The following ARHGEF9 variants were observed in gnomAD, a reference collection of about 807,000 sequenced individuals.
ARHGEF9 encodes rho guanine nucleotide exchange factor 9.
A neutral mutation model predicts 41.3 loss-of-function variants in ARHGEF9; 2 were observed. That is an observed-to-expected ratio of 0.05 (90% CI 0.02 to 0.15). The LOEUF (loss-of-function observed/expected upper bound fraction) is 0.15, where lower values mean the gene tolerates loss of function less well. Among genes scored for constraint, ARHGEF9 ranks in the 10% least tolerant of loss-of-function variants. ARHGEF9 has a pLI of 1.00. For missense variants in ARHGEF9, 225 were observed against 424.7 expected (o/e 0.53, Z 4.13); for synonymous variants, 160 against 154.4 (o/e 1.04, Z -0.27).
At chrX:63,672,031 A>C (rs1440125818) in intron 6 of ARHGEF9, among the ~76,000 whole-genome samples, 3 of 111,649 alleles carry the variant, frequency 2.7e-5, no homozygotes, top group African/African-American at 9.8e-5. Context: ...GTTGAAACAT[A>C]ATCTCTACTG....
chrX:63,764,947 C>T (rs183427237), intron 1 of ARHGEF9, among the ~76,000 whole-genome samples: 5 of 111,286 alleles, frequency 4.5e-5, no homozygotes, highest in East Asian at 2.8e-4. Flanking sequence ...ACATCCTGCA[C>T]GTGTACCCTG....
At chrX:63,765,327 G>A (rs2056095884) in intron 1 of ARHGEF9, among the ~76,000 whole-genome samples, 1 of 109,819 alleles carries the variant, frequency 9.1e-6, no homozygotes, top group African/African-American at 3.3e-5. Flanking sequence ...AGGAAAGGAA[G>A]TAGCACCAGT....
At chrX:63,694,547 A>G (rs1335020498) in intron 4 of ARHGEF9, among the ~76,000 whole-genome samples, 3 of 112,756 alleles carry the variant, frequency 2.7e-5, no homozygotes, top group African/African-American at 6.4e-5. Context: ...GATATATGCA[A>G]CAGCATGGAT....
intron 7 of ARHGEF9, among the ~76,000 whole-genome samples, chrX:63,661,537 T>C (rs1190494639): frequency 3.6e-5 from 4 of 111,702 alleles, no homozygotes; most frequent in African/African-American, 1.3e-4. Context: ...AAAATAAAAA[T>C]TCAATGAAAC....
intron 8 of ARHGEF9, among the ~76,000 whole-genome samples, 170 bp downstream of exon 8, chrX:63,655,324 T>G (rs2048811970): frequency 8.9e-6 from 1 of 112,114 alleles, no homozygotes; most frequent in Admixed American, 9.5e-5. Flanking sequence ...CACTGACTAA[T>G]GGAAGCTATT....
At chrX:63,764,544 C>T (rs1292097491) in intron 1 of ARHGEF9, among the ~76,000 whole-genome samples, 3 of 112,266 alleles carry the variant, frequency 2.7e-5, no homozygotes, top group Non-Finnish European at 5.6e-5. Context: ...GCACTACTCA[C>T]AATCACAAAG....
chrX:63,749,629 C>G (rs782618335), intron 1 of ARHGEF9, among the ~76,000 whole-genome samples: 1 of 112,434 alleles, frequency 8.9e-6, no homozygotes, highest in South Asian at 3.7e-4. Flanking sequence ...AACAATCTTG[C>G]TGACCTTTAC....
At chrX:63,638,410 C>T (rs1409567747) in intron 9 of ARHGEF9, 2 of 438,686 alleles carry the variant, frequency 4.6e-6, no homozygotes, top group African/African-American at 2.4e-5. Context: ...CAACCCTACA[C>T]ACTTCCACAT....
intron 4 of ARHGEF9, among the ~76,000 whole-genome samples, chrX:63,685,253 C>A (rs1214459899): frequency 9.0e-6 from 1 of 111,170 alleles, no homozygotes; most frequent in Non-Finnish European, 1.9e-5. Context: ...TTTTTTAAAA[C>A]AATCAAATTT....
intron 7 of ARHGEF9, 109 bp from the exon 8 acceptor site, chrX:63,655,846 A>G (rs1358429360): frequency 1.5e-5 from 16 of 1,034,469 alleles, no homozygotes; most frequent in East Asian, 3.1e-5. Context: ...TGAAGTACCA[A>G]TGGGGGTTGG....
intron 1 of ARHGEF9, among the ~76,000 whole-genome samples, chrX:63,734,138 C>T (rs2054475775): frequency 8.9e-6 from 1 of 111,749 alleles, no homozygotes; most frequent in African/African-American, 3.3e-5. Context: ...GAAGTGAGAC[C>T]CAGCTGCTGC....
At chrX:63,749,714 A>G (rs2055497451) in intron 1 of ARHGEF9, among the ~76,000 whole-genome samples, 2 of 112,538 alleles carry the variant, frequency 1.8e-5, no homozygotes, top group African/African-American at 6.5e-5. Context: ...CTCAAGTTAG[A>G]AAGGATGTGA....
chrX:63,742,960 G>A (rs1251417197), intron 1 of ARHGEF9, among the ~76,000 whole-genome samples: 1 of 112,275 alleles, frequency 8.9e-6, no homozygotes, highest in East Asian at 2.8e-4. Context: ...TTAGAGCCAG[G>A]TGTGGTGGCT....
chrX:63,717,004 G>C (rs1370351800), intron 2 of ARHGEF9, among the ~76,000 whole-genome samples: 1 of 112,133 alleles, frequency 8.9e-6, no homozygotes, highest in Non-Finnish European at 1.9e-5. Context: ...TGAGTCCATC[G>C]CACACATGGC....
intron 2 of ARHGEF9, chrX:63,716,223 G>T (rs1218949668): frequency 9.1e-6 from 1 of 109,797 alleles, no homozygotes; most frequent in Non-Finnish European, 1.9e-5. Context: ...AAGAGTTTGG[G>T]GCTACAGCGA....
intron 1 of ARHGEF9, chrX:63,755,281 G>T (rs1214057652): frequency 1.1e-6 from 1 of 906,084 alleles, no homozygotes; most frequent in African/African-American, 2.0e-5. Context: ...CGTGCTAGCC[G>T]CGACCGCCAA....
At chrX:63,718,839 T>C (rs1307390580) in intron 2 of ARHGEF9, among the ~76,000 whole-genome samples, 1 of 111,696 alleles carries the variant, frequency 9.0e-6, no homozygotes, top group African/African-American at 3.3e-5. Flanking sequence ...GGCTGAGGGA[T>C]AGGCTATATG....
At position 63,636,017 on chromosome X, in the gene ARHGEF9, GACTTATAAT is replaced by G. The variant is rs2047299580; in HGVS notation, c.*2002_*2010del. 8.9e-6 allele frequency: 1 copy of G among 112,418 alleles called. No homozygotes were observed. The highest frequency in any genetic ancestry group is 3.7e-4 in the South Asian group (1 of 2,705). The allele number at this position is 112,418 out of a possible 1,213,427, so 9.3% of individuals were successfully genotyped here. ...CTCTCCCCAGATCAGGCTCATCCTT[GACTTATAAT>G]ACAAGTCTGACTTGGTTGTGATGGA... On this transcript the variant is annotated 3_prime_UTR_variant, in exon 10 of 10. Transcript: ENST00000671741.
At chrX:63,705,261 G>C (rs1264630190) in intron 3 of ARHGEF9, among the ~76,000 whole-genome samples, 1 of 110,254 alleles carries the variant, frequency 9.1e-6, no homozygotes, top group African/African-American at 3.3e-5. Context: ...CTAGGCTGGG[G>C]GACAGAAAAT....
Sources: gnomAD v4.1 joint callset for allele counts (sites outside exome capture counted in the v4.1 genomes callset) on GRCh38, gnomAD v4.1.1 for gene constraint, MANE v1.5 for transcripts, NCBI Gene and HGNC (gene_info 2026-07-23, HGNC 2026-07-21) for gene names.